The following RC3H2 variants were observed in gnomAD, a reference collection of about 807,000 sequenced individuals.
RC3H2 encodes the protein ring finger and CCCH-type domains 2.
RC3H2 carries 31 observed loss-of-function variants against 133.3 expected under a neutral mutation model. That is an observed-to-expected ratio of 0.23 (90% CI 0.17 to 0.31). The LOEUF (loss-of-function observed/expected upper bound fraction) is 0.31, where lower values mean the gene tolerates loss of function less well. Ranked by LOEUF, RC3H2 falls within the 10% of genes least tolerant of loss-of-function variation. The pLI, the probability that RC3H2 is intolerant of heterozygous loss-of-function variation, is 1.00. For synonymous variants in RC3H2, 517 were observed against 502.2 expected (o/e 1.03, Z -0.40); for missense variants, 1,175 against 1,437.2 (o/e 0.82, Z 2.95).
intron 20 of RC3H2, among the ~76,000 whole-genome samples, chr9:122,850,362 T>G (rs561331695): frequency 6.6e-6 from 1 of 152,062 alleles, no homozygotes; most frequent in African/African-American, 2.4e-5. Flanking sequence ...ATTAAGCCCA[T>G]ATTTTTGGCA....
chr9:122,855,624 T>A (rs1830213376), intron 14 of RC3H2, 108 bp downstream of exon 14: 4 of 1,287,346 alleles, frequency 3.1e-6, no homozygotes, highest in African/African-American at 3.0e-5. Context: ...TGCTACTGAG[T>A]TATAAGGCAA....
At chr9:122,885,095 CTGTAT>C (rs1831854267) in intron 4 of RC3H2, among the ~76,000 whole-genome samples, 1 of 151,956 alleles carries the variant, frequency 6.6e-6, no homozygotes, top group Non-Finnish European at 1.5e-5. Context: ...GTATATAGTA[CTGTAT>C]TGTATCATTA....
intron 2 of RC3H2, among the ~76,000 whole-genome samples, chr9:122,895,303 G>A (rs2131499411): frequency 6.6e-6 from 1 of 152,076 alleles, no homozygotes; most frequent in African/African-American, 2.4e-5. Flanking sequence ...AAGTAGGTGG[G>A]ACTACAGTCA....
chr9:122,853,737 A>G (rs1391833848), intron 18 of RC3H2: 1 of 1,289,692 alleles, frequency 7.8e-7, no homozygotes, highest in African/African-American at 1.5e-5. Flanking sequence ...ATAGAGCAAG[A>G]TTCCATCTCA....
At chr9:122,862,877 G>C (rs889463452) in intron 10 of RC3H2, among the ~76,000 whole-genome samples, 3 of 133,734 alleles carry the variant, frequency 2.2e-5, no homozygotes, top group Admixed American at 8.3e-5. Flanking sequence ...CTGGGTGACA[G>C]AGAGACTCCA....
chr9:122,868,895 GTTTTTTTTT>G (rs10709763), intron 9 of RC3H2, among the ~76,000 whole-genome samples: 1 of 99,614 alleles, frequency 1.0e-5, no homozygotes, highest in Non-Finnish European at 1.9e-5. Flanking sequence ...GTGTGTATGT[GTTTTTTTTT>G]TTTTTTTTTG....
rs764792589 is a variant in RC3H2 at position 122,854,100 on chromosome 9, GA to G, written c.2983-15del. Reference sequence around the variant, plus strand: ...GTTGCTCTTGGCCTATATGAGGAGGGAAAAAAAGAAAAGTTAGCTTCCAACT... The same window carrying G: ...GTTGCTCTTGGCCTATATGAGGAGGGAAAAAAGAAAAGTTAGCTTCCAACT... On this transcript the variant is annotated splice_polypyrimidine_tract_variant and intron_variant, in intron 17 of 20. Coordinates refer to ENST00000357244, the MANE Select transcript of RC3H2 (RefSeq NM_001100588.3). 1.2e-6 allele frequency: 2 copies of G among 1,609,098 alleles called. No individual in the cohort carries two copies. The highest frequency in any genetic ancestry group is 1.3e-5 in the African/African-American group (1 of 74,510).
rs911724085 is a variant in RC3H2 at position 122,851,624 on chromosome 9, G to A, written c.3118-188C>T. 6 of 756,720 alleles carry A rather than the reference G, an allele frequency of 7.9e-6. No individual in the cohort carries two copies. In the African/African-American group the frequency reaches 8.8e-5, roughly 11 times the overall value. 46.9% of individuals were successfully genotyped at this position (756,720 alleles called of 1,614,324 possible). A position where few individuals can be genotyped will look rare whatever the true frequency, so the allele number is the denominator to read the frequency against. ...TGATTCTCCTGCCTCAGCCTGCAGA[G>A]TGCCTGCAATTGCAGGCGCGCGCCG... On this transcript the variant is annotated intron_variant, in intron 18 of 20. Coordinates refer to ENST00000357244, the MANE Select transcript of RC3H2 (RefSeq NM_001100588.3).
At chr9:122,888,625 T>C (rs771349295) in intron 4 of RC3H2, among the ~76,000 whole-genome samples, 9 of 152,248 alleles carry the variant, frequency 5.9e-5, no homozygotes, top group Admixed American at 1.3e-4. Context: ...CCAACGTATC[T>C]GGAGGTCACA....
chr9:122,866,846 G>C (rs1186479239), intron 9 of RC3H2, among the ~76,000 whole-genome samples: 1 of 152,118 alleles, frequency 6.6e-6, no homozygotes, highest in East Asian at 1.9e-4. Context: ...GAAGTGAGGA[G>C]CGTCTCTGCC....
Position 122,848,824 on chromosome 9 carries a change from A to G in RC3H2, c.*803T>C, listed in dbSNP as rs1300111370. 1 of 152,170 alleles carries G rather than the reference A, an allele frequency of 6.6e-6. No individual in the cohort carries two copies. The highest frequency in any genetic ancestry group is 6.5e-5 in the Admixed American group (1 of 15,280). 9.4% of individuals were successfully genotyped at this position (152,170 alleles called of 1,614,324 possible). On this transcript the variant is annotated 3_prime_UTR_variant, in exon 21 of 21. Coordinates refer to ENST00000357244, the MANE Select transcript of RC3H2 (RefSeq NM_001100588.3). Reference sequence around the variant, plus strand: ...CCATTACATTAGTGCATAATTTATCAAAATTGTAAAAACGATTCTGCATAA... The same window carrying G: ...CCATTACATTAGTGCATAATTTATCGAAATTGTAAAAACGATTCTGCATAA...
chr9:122,866,962 G>A (rs1230697914), intron 9 of RC3H2, among the ~76,000 whole-genome samples: 8 of 142,766 alleles, frequency 5.6e-5, no homozygotes, highest in African/African-American at 2.1e-4. Flanking sequence ...AGTGAGGAGC[G>A]TCTCTGCCCG....
At chr9:122,876,076 C>A (rs911116676) in intron 9 of RC3H2, among the ~76,000 whole-genome samples, 1 of 151,928 alleles carries the variant, frequency 6.6e-6, no homozygotes, top group African/African-American at 2.4e-5. Context: ...GCTTGGATCA[C>A]AAGGATGGAA....
At chr9:122,905,088 A>C in intron 1 of RC3H2, 22 bp downstream of exon 1, 1 of 985,280 alleles carries the variant, frequency 1.0e-6, no homozygotes, top group Non-Finnish European at 1.2e-6. Context: ...CCCGAGCCGC[A>C]TCGTGCCCGC....
intron 18 of RC3H2, among the ~76,000 whole-genome samples, chr9:122,852,603 G>A (rs891622414): frequency 1.4e-5 from 2 of 147,062 alleles, no homozygotes; most frequent in East Asian, 2.1e-4. Context: ...CCCCCGGCCC[G>A]GCCAGCCGCC....
chr9:122,902,978 C>T (rs975632382), intron 1 of RC3H2, among the ~76,000 whole-genome samples: 1 of 151,796 alleles, frequency 6.6e-6, no homozygotes, highest in Non-Finnish European at 1.5e-5. Flanking sequence ...TAAAAAAAAT[C>T]TTGGTACTAA....
At chr9:122,866,226 T>C in intron 9 of RC3H2, among the ~76,000 whole-genome samples, 1 of 152,250 alleles carries the variant, frequency 6.6e-6, no homozygotes, top group South Asian at 2.1e-4. Context: ...TACCTAAAGT[T>C]AAAAACATTT....
intron 19 of RC3H2, 39 bp downstream of exon 19, chr9:122,851,284 T>C: frequency 6.2e-7 from 1 of 1,611,948 alleles, no homozygotes; most frequent in Non-Finnish European, 8.5e-7. Flanking sequence ...AAATTTTCAA[T>C]CAAACAAAGC....
chr9:122,867,015 G>T (rs1024356307), intron 9 of RC3H2, among the ~76,000 whole-genome samples: 6 of 122,074 alleles, frequency 4.9e-5, no homozygotes, highest in Non-Finnish European at 1.0e-4. Flanking sequence ...TTGCCCCACC[G>T]CCCCGTCTGG....
Sources: allele counts gnomAD v4.1 joint callset (sites outside exome capture counted in the v4.1 genomes callset), GRCh38; gene constraint gnomAD v4.1.1; transcripts MANE v1.5; gene names NCBI Gene and HGNC (gene_info 2026-07-23, HGNC 2026-07-21).